CNTNAP2: variants seen among roughly 807,000 people sequenced by gnomAD.
CNTNAP2 encodes the protein contactin associated protein 2, also known as contactin-associated protein-like 2.
CNTNAP2 carries 98 observed loss-of-function variants against 155.2 expected under a neutral mutation model. The ratio of observed to expected loss-of-function variants is 0.63; its 90% CI spans 0.54 to 0.75. The LOEUF is 0.75. CNTNAP2 is among the 30% of genes least tolerant of loss of function. The pLI, the probability that CNTNAP2 is intolerant of heterozygous loss-of-function variation, is 0.00. For missense variants in CNTNAP2, 1,727 were observed against 1,688.1 expected (o/e 1.02, Z -0.40); for synonymous variants, 651 against 631.2 (o/e 1.03, Z -0.47).
At chr7:147,516,799 A>G (rs1799135699) in intron 11 of CNTNAP2, among the ~76,000 whole-genome samples, 1 of 150,766 alleles carries the variant, frequency 6.6e-6, no homozygotes, top group Non-Finnish European at 1.5e-5. Flanking sequence ...ACAACCCAGA[A>G]GCAACTCTCA....
chr7:148,082,892 T>C (rs1803642173), intron 15 of CNTNAP2, among the ~76,000 whole-genome samples: 1 of 152,148 alleles, frequency 6.6e-6, no homozygotes, highest in Admixed American at 6.5e-5. Flanking sequence ...TTGGCCAGGC[T>C]GGTGTCGATC....
intron 9 of CNTNAP2, among the ~76,000 whole-genome samples, chr7:147,364,746 G>A (rs1344542214): frequency 6.6e-6 from 1 of 152,070 alleles, no homozygotes; most frequent in Non-Finnish European, 1.5e-5. Flanking sequence ...CTACTCGGGA[G>A]GCTGAGGCAG....
At chr7:147,096,259 A>G (rs935586497) in intron 4 of CNTNAP2, among the ~76,000 whole-genome samples, 16 of 152,242 alleles carry the variant, frequency 1.1e-4, no homozygotes, top group African/African-American at 3.4e-4. Flanking sequence ...TCTGCATAAT[A>G]CAACTCCAAA....
At chr7:146,547,579 A>C (rs1243783605) in intron 1 of CNTNAP2, among the ~76,000 whole-genome samples, 1 of 151,858 alleles carries the variant, frequency 6.6e-6, no homozygotes, top group Non-Finnish European at 1.5e-5. Flanking sequence ...ATCATGCAGG[A>C]TTTGTCTTTC....
intron 1 of CNTNAP2, among the ~76,000 whole-genome samples, chr7:146,711,247 TTTATA>T (rs1801065519): frequency 6.8e-6 from 1 of 146,864 alleles, no homozygotes; most frequent in African/African-American, 2.5e-5. Flanking sequence ...ACATATATAT[TTTATA>T]TATACATATA....
chr7:146,150,811 C>A (rs1798025817), intron 1 of CNTNAP2, among the ~76,000 whole-genome samples: 1 of 151,984 alleles, frequency 6.6e-6, no homozygotes, highest in African/African-American at 2.4e-5. Flanking sequence ...ATATATATAT[C>A]ACCACTAATC....
chr7:148,386,482 G>T (rs1263885521), intron 22 of CNTNAP2, among the ~76,000 whole-genome samples: 1 of 152,074 alleles, frequency 6.6e-6, no homozygotes, highest in East Asian at 1.9e-4. Context: ...GAGCTGAGAT[G>T]GTGCCACTGC....
At chr7:147,901,151 G>T (rs571198034) in intron 13 of CNTNAP2, among the ~76,000 whole-genome samples, 21 of 152,010 alleles carry the variant, frequency 1.4e-4, no homozygotes, top group Non-Finnish European at 2.6e-4. Flanking sequence ...AACCTTTTTT[G>T]TGTGTGTTTT....
chr7:147,979,211 T>C (rs925411909), intron 15 of CNTNAP2, among the ~76,000 whole-genome samples: 11 of 152,194 alleles, frequency 7.2e-5, no homozygotes, highest in Non-Finnish European at 1.2e-4. Flanking sequence ...AAATGCTACC[T>C]GTAAAATTGA....
intron 8 of CNTNAP2, among the ~76,000 whole-genome samples, chr7:147,298,438 G>A (rs971523129): frequency 3.3e-5 from 5 of 151,682 alleles, no homozygotes; most frequent in African/African-American, 1.2e-4. Flanking sequence ...AAAAAAAGAG[G>A]GGCTCAGTAA....
chr7:148,070,901 G>T (rs1406307572), intron 15 of CNTNAP2, among the ~76,000 whole-genome samples: 3 of 152,082 alleles, frequency 2.0e-5, no homozygotes, highest in African/African-American at 7.2e-5. Context: ...GAATTAGAAG[G>T]TATTGTTACT....
At chr7:146,854,357 T>G (rs552171471) in intron 3 of CNTNAP2, among the ~76,000 whole-genome samples, 1 of 152,238 alleles carries the variant, frequency 6.6e-6, no homozygotes, top group Admixed American at 6.5e-5. Flanking sequence ...TCAAGCTGTA[T>G]GTTTATGTGT....
intron 1 of CNTNAP2, among the ~76,000 whole-genome samples, chr7:146,498,905 AAC>A (rs1292694844): frequency 2.0e-5 from 3 of 152,194 alleles, no homozygotes; most frequent in African/African-American, 7.2e-5. Flanking sequence ...AATCTAGCCA[AAC>A]ACAGTCATAG....
chr7:148,080,644 A>G (rs1237485211), intron 15 of CNTNAP2, among the ~76,000 whole-genome samples: 1 of 151,894 alleles, frequency 6.6e-6, no homozygotes, highest in African/African-American at 2.4e-5. Flanking sequence ...GAAAACTGAT[A>G]AAGCCTGATG....
chr7:147,607,151 G>A (rs1038097042), intron 12 of CNTNAP2, among the ~76,000 whole-genome samples: 7 of 152,164 alleles, frequency 4.6e-5, no homozygotes, highest in African/African-American at 1.7e-4. Flanking sequence ...GCAGTGACTA[G>A]AGACTGAGTC....
intron 11 of CNTNAP2, among the ~76,000 whole-genome samples, chr7:147,542,349 T>G (rs1799656398): frequency 6.6e-6 from 1 of 151,336 alleles, no homozygotes; most frequent in Admixed American, 6.6e-5. Flanking sequence ...AGTAAGAGTT[T>G]GTACTGGACA....
At chr7:147,934,732 A>T (rs894784647) in intron 14 of CNTNAP2, among the ~76,000 whole-genome samples, 1 of 152,240 alleles carries the variant, frequency 6.6e-6, no homozygotes, top group Non-Finnish European at 1.5e-5. Context: ...AATGACAGGG[A>T]TATAAGTCTC....
intron 13 of CNTNAP2, among the ~76,000 whole-genome samples, chr7:147,715,536 A>G (rs545363756): frequency 6.6e-6 from 1 of 151,948 alleles, no homozygotes; most frequent in Non-Finnish European, 1.5e-5. Context: ...CCCATTTTCT[A>G]ATTTTATGGG....
intron 8 of CNTNAP2, among the ~76,000 whole-genome samples, chr7:147,160,939 T>G (rs2116453803): frequency 6.6e-6 from 1 of 152,280 alleles, no homozygotes; most frequent in African/African-American, 2.4e-5. Context: ...AAATTTGGAT[T>G]ATTTCCTAAA....
Sources: allele counts gnomAD v4.1 joint callset (sites outside exome capture counted in the v4.1 genomes callset), GRCh38; gene constraint gnomAD v4.1.1; transcripts MANE v1.5; gene names NCBI Gene and HGNC (gene_info 2026-07-23, HGNC 2026-07-21).